ATP8A2: variants seen among roughly 807,000 people sequenced by gnomAD.
The protein encoded by ATP8A2 is ATPase phospholipid transporting 8A2, also known as phospholipid-transporting ATPase IB.
ATP8A2 carries 100 observed loss-of-function variants against 165.6 expected under a neutral mutation model. The ratio of observed to expected loss-of-function variants is 0.60; its 90% CI spans 0.51 to 0.71. ATP8A2 has a LOEUF of 0.71. ATP8A2 is among the 30% of genes least tolerant of loss of function. The pLI is 0.00. For missense variants in ATP8A2, 1,227 were observed against 1,479.5 expected, an observed-to-expected ratio of 0.83 and a Z score of 2.80; for synonymous variants, 543 against 548.8, an observed-to-expected ratio of 0.99 and a Z score of 0.15.
At position 25,526,612 on chromosome 13, in the gene ATP8A2, G is replaced by C. The variant is rs146372066; in HGVS notation, c.222-3387G>C. On this transcript the variant is annotated intron_variant, in intron 2 of 36. Coordinates refer to ENST00000381655, the MANE Select transcript of ATP8A2 (RefSeq NM_016529.6). Reference sequence around the variant, plus strand: ...CCCAAATGGAAATGGTGCCAAAGGGGATAGCCTAGCAATGTGGGAAGGTGA... The same window carrying C: ...CCCAAATGGAAATGGTGCCAAAGGGCATAGCCTAGCAATGTGGGAAGGTGA... 4.8e-3 allele frequency among the ~76,000 whole-genome samples: 726 copies of C among 152,296 alleles called. 9 individuals are homozygous for C. The highest frequency in any genetic ancestry group is 0.017 in the African/African-American group (688 of 41,572).
intron 24 of ATP8A2, among the ~76,000 whole-genome samples, chr13:25,602,472 T>TA (rs2040412283): frequency 6.6e-6 from 1 of 152,224 alleles, no homozygotes; most frequent in African/African-American, 2.4e-5. Context: ...TGCACCTGTT[T>TA]TCCTGGCATA....
chr13:25,588,681 G>A (rs988091251), intron 23 of ATP8A2, among the ~76,000 whole-genome samples: 1 of 152,176 alleles, frequency 6.6e-6, no homozygotes, highest in African/African-American at 2.4e-5. Flanking sequence ...TAGTTGTGGG[G>A]GCCAATATTC....
At chr13:25,731,613 A>G (rs1194514158) in intron 25 of ATP8A2, among the ~76,000 whole-genome samples, 2 of 152,200 alleles carry the variant, frequency 1.3e-5, no homozygotes, top group African/African-American at 4.8e-5. Flanking sequence ...CTGATATACG[A>G]TATTTAGGCC....
intron 1 of ATP8A2, among the ~76,000 whole-genome samples, chr13:25,465,707 C>CTTTCT (rs1555274886): frequency 3.5e-4 from 8 of 22,824 alleles, no homozygotes; most frequent in South Asian, 2.0e-3. Flanking sequence ...TTCTTTCTTT[C>CTTTCT]TTTCTTTCTT....
chr13:25,699,748 A>T (rs2042912276), intron 25 of ATP8A2, among the ~76,000 whole-genome samples: 2 of 151,846 alleles, frequency 1.3e-5, no homozygotes, highest in South Asian at 4.1e-4. Flanking sequence ...ATTTCTTTTC[A>T]GTTAAGGAGG....
At chr13:25,871,403 C>T (rs1255038479) in intron 33 of ATP8A2, among the ~76,000 whole-genome samples, 2 of 152,116 alleles carry the variant, frequency 1.3e-5, no homozygotes, top group Non-Finnish European at 2.9e-5. Flanking sequence ...TGGAGGTTAT[C>T]ATCATCACAG....
chr13:25,513,004 G>A (rs1415356727), intron 2 of ATP8A2, among the ~76,000 whole-genome samples: 2 of 145,180 alleles, frequency 1.4e-5, no homozygotes, highest in East Asian at 2.1e-4. Flanking sequence ...TGGCCGGGCG[G>A]GGGGCTGACC....
intron 33 of ATP8A2, among the ~76,000 whole-genome samples, chr13:25,925,750 C>T (rs1369003857): frequency 8.3e-5 from 12 of 144,428 alleles, no homozygotes; most frequent in South Asian, 2.2e-4. Context: ...TTTTTTGAGA[C>T]GGAGTTTGCT....
At chr13:25,841,250 A>G (rs1042074848) in intron 30 of ATP8A2, among the ~76,000 whole-genome samples, 2 of 152,238 alleles carry the variant, frequency 1.3e-5, no homozygotes. Context: ...AACTTACCTA[A>G]GAGACAGCAC....
chr13:25,665,681 A>G (rs1485278461), intron 24 of ATP8A2, among the ~76,000 whole-genome samples: 6 of 152,010 alleles, frequency 3.9e-5, no homozygotes, highest in Admixed American at 2.6e-4. Flanking sequence ...AGCATATTGA[A>G]TAGGTTCTGT....
intron 2 of ATP8A2, among the ~76,000 whole-genome samples, chr13:25,516,783 CTTT>C (rs770018909): frequency 1.5e-5 from 2 of 135,878 alleles, no homozygotes; most frequent in Non-Finnish European, 1.6e-5. Flanking sequence ...TTCTTTCTTA[CTTT>C]TTTTTTTTTT....
chr13:25,897,623 A>C (rs1211436829), intron 33 of ATP8A2, among the ~76,000 whole-genome samples: 1 of 152,224 alleles, frequency 6.6e-6, no homozygotes. Context: ...AATATCCTGC[A>C]GAGTGTTTTC....
chr13:25,426,872 G>T (rs938568475), intron 1 of ATP8A2, among the ~76,000 whole-genome samples: 2 of 152,008 alleles, frequency 1.3e-5, no homozygotes, highest in African/African-American at 4.8e-5. Flanking sequence ...ACTGAATCTG[G>T]GAGGCAGAGG....
At chr13:25,478,935 C>T (rs531462345) in intron 2 of ATP8A2, among the ~76,000 whole-genome samples, 1 of 152,202 alleles carries the variant, frequency 6.6e-6, no homozygotes, top group East Asian at 1.9e-4. Context: ...GCAACCTCCG[C>T]CTCCTGGGTT....
chr13:25,932,209 A>G (rs1954787025), intron 33 of ATP8A2, among the ~76,000 whole-genome samples: 1 of 151,740 alleles, frequency 6.6e-6, no homozygotes, highest in South Asian at 2.1e-4. Context: ...GTTGTGCTGA[A>G]TGTGGATCTC....
In ATP8A2 at chr13:25,601,267, C is replaced by T. The variant is rs1293644634; in HGVS notation, c.2211+11568C>T. On this transcript the variant is annotated intron_variant, in intron 24 of 36. Transcript: ENST00000381655. ...TTTCTTTTAGAAAAGTCCAGTTTTC[C>T]AATTTGATCTTTTCTCTGATGACAG... 5.3e-5 allele frequency among the ~76,000 whole-genome samples: 8 copies of T among 152,126 alleles called. No homozygotes were observed. The East Asian group carries it at 1.4e-3, about 26-fold the overall frequency.
At chr13:25,994,706 ATCCTTGTATCTCTGTAATCTCCAC>A (rs2139301643) in intron 35 of ATP8A2, among the ~76,000 whole-genome samples, 1 of 152,142 alleles carries the variant, frequency 6.6e-6, no homozygotes, top group African/African-American at 2.4e-5. Context: ...ATATTGAACC[ATCCTTGTATCTCTGTAATCTCCAC>A]TTGATTGTGT....
intron 1 of ATP8A2, among the ~76,000 whole-genome samples, chr13:25,395,879 C>G (rs1255000516): frequency 6.6e-6 from 1 of 151,968 alleles, no homozygotes; most frequent in East Asian, 1.9e-4. Flanking sequence ...GAGTCTCACT[C>G]TGTCCCCAGG....
intron 1 of ATP8A2, among the ~76,000 whole-genome samples, chr13:25,463,142 T>TG (rs1000705841): frequency 6.6e-6 from 1 of 150,754 alleles, no homozygotes; most frequent in African/African-American, 2.4e-5. Flanking sequence ...TTTTTTTTTT[T>TG]TGAGATAATG....
Sources: allele counts gnomAD v4.1 joint callset (sites outside exome capture counted in the v4.1 genomes callset), GRCh38; gene constraint gnomAD v4.1.1; transcripts MANE v1.5; gene names NCBI Gene and HGNC (gene_info 2026-07-23, HGNC 2026-07-21).